AGPAT3: variants seen among roughly 807,000 people sequenced by gnomAD.
The protein encoded by AGPAT3 is 1-acyl-sn-glycerol-3-phosphate acyltransferase gamma.
Under a neutral mutation model 47.3 loss-of-function variants are expected in AGPAT3, and 5 were observed. The ratio of observed to expected loss-of-function variants is 0.11; its 90% CI spans 0.06 to 0.22. The LOEUF (loss-of-function observed/expected upper bound fraction) is 0.22. Ranked by LOEUF, AGPAT3 falls within the 10% of genes least tolerant of loss-of-function variation. The pLI, the probability that AGPAT3 is intolerant of heterozygous loss-of-function variation, is 1.00. For missense variants in AGPAT3, 315 were observed against 493.0 expected (o/e 0.64, Z 3.42); for synonymous variants, 212 against 208.3 (o/e 1.02, Z -0.15).
chr21:43,888,262 A>G (rs1354269099), intron 1 of AGPAT3, among the ~76,000 whole-genome samples: 1 of 152,194 alleles, frequency 6.6e-6, no homozygotes, highest in Non-Finnish European at 1.5e-5. Context: ...CTGGTCTCGA[A>G]TTCCTGGGCT....
chr21:43,940,581 G>A (rs1447505142), intron 2 of AGPAT3, among the ~76,000 whole-genome samples: 2 of 152,248 alleles, frequency 1.3e-5, no homozygotes, highest in Non-Finnish European at 2.9e-5. Context: ...AAGGAGCTGA[G>A]CGGTTTCATA....
Position 43,954,303 on chromosome 21 carries a change from G to A in AGPAT3, c.-48-5331G>A, listed in dbSNP as rs1169732030. 6.6e-6 allele frequency among the ~76,000 whole-genome samples: 1 copy of A among 152,214 alleles called. No homozygotes were observed. Among genetic ancestry groups the A allele is most frequent in the Non-Finnish European group, 1.5e-5 (1 of 68,038 alleles). On this transcript the variant is annotated intron_variant, in intron 2 of 9. Transcript: ENST00000291572. The surrounding 1 kb of genome is among the most constrained non-coding windows in gnomAD (Gnocchi z 4.0). ...CAGTCAGGTTTATCAAGGAGGTCCA[G>A]GCGGGCTGGGTGTGGGGAGGTGGAA...
At position 43,970,427 on chromosome 21, in the gene AGPAT3, C is replaced by G. The variant is rs906767772; in HGVS notation, c.511-226C>G. On this transcript the variant is annotated intron_variant, in intron 5 of 9. Coordinates refer to ENST00000291572, the MANE Select transcript of AGPAT3 (RefSeq NM_020132.5). The surrounding 1 kb of genome is among the most constrained non-coding windows in gnomAD (Gnocchi z 5.8). ...TTCACTTCTTTCTGGAAAGTTCTTT[C>G]TGGAGAGCTCTCCTGTGTGAATGAA... 1.3e-5 allele frequency among the ~76,000 whole-genome samples: 2 copies of G among 152,196 alleles called. No individual in the cohort carries two copies. The highest frequency in any genetic ancestry group is 2.4e-5 in the African/African-American group (1 of 41,436).
At chr21:43,962,281 C>T (rs537665912) in intron 3 of AGPAT3, among the ~76,000 whole-genome samples, 56 of 152,232 alleles carry the variant, frequency 3.7e-4, no homozygotes, top group African/African-American at 9.4e-4. Context: ...GGATTACAGG[C>T]GTGAGCCACC....
rs2086936717 is a variant in AGPAT3 at position 43,922,921 on chromosome 21, C to G, written c.-49+18902C>G. On this transcript the variant is annotated intron_variant, in intron 2 of 9. Coordinates refer to ENST00000291572, the MANE Select transcript of AGPAT3 (RefSeq NM_020132.5). The surrounding 1 kb of genome is among the most constrained non-coding windows in gnomAD (Gnocchi z 4.9). ...GGGTCTGGGCATGGGGCGCCTGTCC[C>G]CAGCGGGGCGGGCTCTGGGGTGCGA... Among the ~76,000 whole-genome samples, 1 of 152,210 alleles carries G rather than the reference C, an allele frequency of 6.6e-6. No homozygotes were observed. Among genetic ancestry groups the G allele is most frequent in the Non-Finnish European group, 1.5e-5 (1 of 68,020 alleles).
intron 2 of AGPAT3, among the ~76,000 whole-genome samples, chr21:43,958,308 G>A (rs1040876881): frequency 2.0e-5 from 3 of 151,976 alleles, no homozygotes; most frequent in Non-Finnish European, 4.4e-5. Context: ...GCATATGAGT[G>A]TGCATGGGGT....
rs529395570 is a variant in AGPAT3 at position 43,912,618 on chromosome 21, GGC to G, written c.-49+8600_-49+8601del. Among the ~76,000 whole-genome samples, 17 of 152,342 alleles carry G rather than the reference GGC, an allele frequency of 1.1e-4. No individual in the cohort carries two copies. The South Asian group carries it at 3.5e-3, about 32-fold the overall frequency. ...ACTTCTTTCTTAATCAGTGGTGCGT[GGC>G]CATGGACTTCAGCATCTGCTTTTCC... On this transcript the variant is annotated intron_variant, in intron 2 of 9. Coordinates refer to ENST00000291572, the MANE Select transcript of AGPAT3 (RefSeq NM_020132.5).
At chr21:43,961,630 C>T (rs533403621) in intron 3 of AGPAT3, among the ~76,000 whole-genome samples, 2 of 145,280 alleles carry the variant, frequency 1.4e-5, no homozygotes, top group African/African-American at 2.6e-5. Context: ...ATATGGGAAA[C>T]GGTGAGCGCG....
chr21:43,935,430 G>A (rs568294740), intron 2 of AGPAT3, among the ~76,000 whole-genome samples: 97 of 152,366 alleles, frequency 6.4e-4, no homozygotes, highest in Non-Finnish European at 1.1e-3. Flanking sequence ...GCATGAAGCC[G>A]TTCAGGAGGA....
chr21:43,953,766 A>C (rs772970306), intron 2 of AGPAT3, among the ~76,000 whole-genome samples: 1 of 152,202 alleles, frequency 6.6e-6, no homozygotes, highest in Non-Finnish European at 1.5e-5. Flanking sequence ...AAAGAAAAAC[A>C]CTATGCTTTA....
intron 1 of AGPAT3, among the ~76,000 whole-genome samples, chr21:43,885,391 CTTTTTTTT>C (rs113393341): frequency 1.4e-5 from 2 of 139,774 alleles, no homozygotes; most frequent in East Asian, 4.1e-4. Flanking sequence ...TTTCTTTTTT[CTTTTTTTT>C]TTTTTTTGAG....
chr21:43,914,529 G>GT (rs950147709), intron 2 of AGPAT3, among the ~76,000 whole-genome samples: 2 of 151,106 alleles, frequency 1.3e-5, no homozygotes, highest in Non-Finnish European at 1.5e-5. Context: ...CCATGTAGAG[G>GT]TTTTTTTTGT....
At chr21:43,909,083 T>C (rs1326607803) in intron 2 of AGPAT3, among the ~76,000 whole-genome samples, 2 of 152,212 alleles carry the variant, frequency 1.3e-5, no homozygotes, top group Non-Finnish European at 2.9e-5. Context: ...TTTTTTTCTT[T>C]GTACAACAAA....
At chr21:43,872,362 G>T (rs1458245103) in intron 1 of AGPAT3, among the ~76,000 whole-genome samples, 1 of 152,048 alleles carries the variant, frequency 6.6e-6, no homozygotes, top group Non-Finnish European at 1.5e-5. Context: ...TGTATTTTTA[G>T]TAGAGACAGG....
chr21:43,928,814 T>G (rs894986361), intron 2 of AGPAT3, among the ~76,000 whole-genome samples: 11 of 152,210 alleles, frequency 7.2e-5, no homozygotes, highest in African/African-American at 2.7e-4. Context: ...ATACTACAGA[T>G]GAGGCGCTGT....
intron 1 of AGPAT3, among the ~76,000 whole-genome samples, chr21:43,875,815 C>T (rs529733580): frequency 6.6e-6 from 1 of 152,204 alleles, no homozygotes; most frequent in Admixed American, 6.5e-5. Flanking sequence ...ACCCATTTGG[C>T]CAGGCTGGTC....
At chr21:43,888,348 C>G (rs369271636) in intron 1 of AGPAT3, among the ~76,000 whole-genome samples, 1 of 152,092 alleles carries the variant, frequency 6.6e-6, no homozygotes, top group Non-Finnish European at 1.5e-5. Context: ...CTTGGTTTTA[C>G]TTTTTAACAT....
chr21:43,926,574 C>T (rs919974199), intron 2 of AGPAT3, among the ~76,000 whole-genome samples: 28 of 149,000 alleles, frequency 1.9e-4, no homozygotes, highest in African/African-American at 6.2e-4. Context: ...TTCCATGCTG[C>T]GGCATTTAAG....
At chr21:43,921,462 C>G (rs540270533) in intron 2 of AGPAT3, among the ~76,000 whole-genome samples, 61 of 152,166 alleles carry the variant, frequency 4.0e-4, no homozygotes, top group Non-Finnish European at 7.5e-4. Flanking sequence ...GATCAGCATC[C>G]TGACCCGGTG....
Sources: allele counts gnomAD v4.1 joint callset (sites outside exome capture counted in the v4.1 genomes callset), GRCh38; gene constraint gnomAD v4.1.1; non-coding constraint Gnocchi (gnomAD v3.1); transcripts MANE v1.5; gene names NCBI Gene and HGNC (gene_info 2026-07-23, HGNC 2026-07-21).